Variants in GMDS observed in about 807,000 individuals in gnomAD.
GMDS encodes GDP-mannose 4,6 dehydratase.
Under a neutral mutation model 49.9 loss-of-function variants are expected in GMDS, and 20 were observed. The ratio of observed to expected loss-of-function variants is 0.40; its 90% CI spans 0.28 to 0.58. GMDS has a LOEUF of 0.58. Among genes scored for constraint, GMDS ranks in the 20% least tolerant of loss-of-function variants. The pLI, the probability that GMDS is intolerant of heterozygous loss-of-function variation, is 0.42. For missense variants in GMDS, 362 were observed against 481.4 expected, an observed-to-expected ratio of 0.75 and a Z score of 2.32; for synonymous variants, 177 against 178.6, an observed-to-expected ratio of 0.99 and a Z score of 0.07.
intron 4 of GMDS, among the ~76,000 whole-genome samples, chr6:2,068,033 C>T (rs1226831568): frequency 1.1e-4 from 16 of 150,052 alleles, no homozygotes; most frequent in South Asian, 2.2e-4. Flanking sequence ...ACTGGCAAAA[C>T]GAATCCAGCA....
chr6:1,825,023 T>A (rs1288794706), intron 7 of GMDS, among the ~76,000 whole-genome samples: 1 of 152,192 alleles, frequency 6.6e-6, no homozygotes, highest in African/African-American at 2.4e-5. Context: ...CTGAAGTCAC[T>A]CTCTCTTGGG....
chr6:2,234,508 C>T (rs1348873985), intron 1 of GMDS, among the ~76,000 whole-genome samples: 1 of 152,068 alleles, frequency 6.6e-6, no homozygotes, highest in East Asian at 1.9e-4. Context: ...ACTCAGGAGG[C>T]TGAAGCAGGA....
intron 1 of GMDS, among the ~76,000 whole-genome samples, chr6:2,144,852 A>G (rs1701757643): frequency 6.6e-6 from 1 of 152,224 alleles, no homozygotes; most frequent in Admixed American, 6.5e-5. Flanking sequence ...GGTAGGAGAC[A>G]CAATGAAGGC....
At chr6:2,237,247 A>G (rs1391665026) in intron 1 of GMDS, among the ~76,000 whole-genome samples, 1 of 152,202 alleles carries the variant, frequency 6.6e-6, no homozygotes, top group African/African-American at 2.4e-5. Context: ...GGTAAGTCAC[A>G]AGATTTTGGC....
At chr6:1,834,481 C>T (rs995442377) in intron 7 of GMDS, among the ~76,000 whole-genome samples, 10 of 152,036 alleles carry the variant, frequency 6.6e-5, no homozygotes, top group Admixed American at 2.0e-4. Flanking sequence ...TGGGGAGAGT[C>T]GGCAACTCCC....
intron 5 of GMDS, among the ~76,000 whole-genome samples, chr6:1,960,387 G>C (rs1273459067): frequency 6.7e-6 from 1 of 149,622 alleles, no homozygotes; most frequent in Non-Finnish European, 1.5e-5. Context: ...TTTTTTGAAG[G>C]TTTTGAGCTC....
chr6:1,889,236 G>A (rs1759759500), intron 7 of GMDS, among the ~76,000 whole-genome samples: 1 of 152,096 alleles, frequency 6.6e-6, no homozygotes, highest in South Asian at 2.1e-4. Flanking sequence ...ATGAAAAACA[G>A]CGACCTCCCA....
chr6:1,671,939 A>T (rs1764446524), intron 9 of GMDS, among the ~76,000 whole-genome samples: 2 of 152,282 alleles, frequency 1.3e-5, no homozygotes, highest in South Asian at 4.1e-4. Flanking sequence ...CTAGGATTAC[A>T]GGCGTGAACC....
chr6:1,933,412 T>C (rs1762385620), intron 6 of GMDS, among the ~76,000 whole-genome samples: 2 of 152,242 alleles, frequency 1.3e-5, no homozygotes, highest in Non-Finnish European at 2.9e-5. Flanking sequence ...TGCTGGGTCA[T>C]ATGAGAACTC....
chr6:2,052,116 C>CAAA lies in GMDS; in HGVS notation c.345+63652_345+63654dup, dbSNP rs1285013159. On this transcript the variant is annotated intron_variant, in intron 4 of 10. Transcript: ENST00000380815. ...TGGGTGACAGAGCAAGACTCTGTCTCAAAAAAAAAAAAAAGAAAAAAAAAA... is the reference window on the plus strand; with the variant it reads ...TGGGTGACAGAGCAAGACTCTGTCTCAAAAAAAAAAAAAAAAAGAAAAAAAAAA... Among the ~76,000 whole-genome samples the CAAA allele has an allele frequency of 1.6e-3, 68 of 43,588 alleles. 2 individuals carry two copies. Among genetic ancestry groups the CAAA allele is most frequent in the East Asian group, 0.013 (15 of 1,176 alleles). The allele number at this position is 43,588 out of a possible 152,430, so 28.6% of individuals were successfully genotyped here. A position where few individuals can be genotyped will look rare whatever the true frequency, so the allele number is the denominator to read the frequency against.
intron 9 of GMDS, among the ~76,000 whole-genome samples, chr6:1,628,833 C>G (rs1208150644): frequency 6.6e-6 from 1 of 152,182 alleles, no homozygotes; most frequent in African/African-American, 2.4e-5. Context: ...AGATACAGAG[C>G]TGTGAGGGGC....
chr6:1,914,497 T>A (rs567797992), intron 7 of GMDS, among the ~76,000 whole-genome samples: 1 of 150,578 alleles, frequency 6.6e-6, no homozygotes, highest in Non-Finnish European at 1.5e-5. Context: ...AAAGAGAGAA[T>A]CTTTAAATAC....
intron 7 of GMDS, among the ~76,000 whole-genome samples, chr6:1,831,946 T>C (rs1280016207): frequency 6.6e-6 from 1 of 152,102 alleles, no homozygotes; most frequent in Middle Eastern, 3.2e-3. Context: ...TCACAGTTGG[T>C]TTGTTTTTAG....
intron 6 of GMDS, among the ~76,000 whole-genome samples, chr6:1,935,497 T>C (rs1052274868): frequency 3.3e-5 from 5 of 152,234 alleles, no homozygotes; most frequent in Non-Finnish European, 7.3e-5. Flanking sequence ...TAAGTCTCAA[T>C]GGAAAGTTAA....
intron 6 of GMDS, among the ~76,000 whole-genome samples, chr6:1,957,269 A>G (rs1242245861): frequency 6.6e-6 from 1 of 152,190 alleles, no homozygotes; most frequent in Non-Finnish European, 1.5e-5. Context: ...AAAAATATTT[A>G]CTGAATGCTT....
rs149193491 is a variant in GMDS, at chr6:2,204,741, T to G, written c.102+40580A>C. ...ACTTCCCTAGTGGACAGGTTACCTTTATCACTGATGGTTTTGACCAGTTTA... is the reference window on the plus strand; with the variant it reads ...ACTTCCCTAGTGGACAGGTTACCTTGATCACTGATGGTTTTGACCAGTTTA... On this transcript the variant is annotated intron_variant, in intron 1 of 10. Transcript: ENST00000380815. Among the ~76,000 whole-genome samples, 66 of 152,350 alleles carry G rather than the reference T, an allele frequency of 4.3e-4. 1 individual carries two copies. In the East Asian group the frequency reaches 0.013, roughly 29 times the overall value.
At chr6:2,170,175 C>A (rs1440781153) in intron 1 of GMDS, among the ~76,000 whole-genome samples, 2 of 151,310 alleles carry the variant, frequency 1.3e-5, no homozygotes, top group Non-Finnish European at 2.9e-5. Context: ...TGCACTCCAG[C>A]CTGGGCAACA....
intron 9 of GMDS, among the ~76,000 whole-genome samples, chr6:1,667,973 G>A (rs1252259229): frequency 1.3e-5 from 2 of 152,156 alleles, no homozygotes; most frequent in Non-Finnish European, 2.9e-5. Flanking sequence ...CACATCACAT[G>A]CGGCTGACAT....
At chr6:2,011,167 A>C (rs993684230) in intron 4 of GMDS, among the ~76,000 whole-genome samples, 3 of 152,204 alleles carry the variant, frequency 2.0e-5, no homozygotes, top group Non-Finnish European at 4.4e-5. Context: ...TCAAAAGAAG[A>C]CATACAAATG....
Sources: gnomAD v4.1 joint callset for allele counts (sites outside exome capture counted in the v4.1 genomes callset) on GRCh38, gnomAD v4.1.1 for gene constraint, MANE v1.5 for transcripts, NCBI Gene and HGNC (gene_info 2026-07-23, HGNC 2026-07-21) for gene names.